UBE2E2: variants seen among roughly 807,000 people sequenced by gnomAD.
The protein encoded by UBE2E2 is ubiquitin conjugating enzyme E2 E2.
A neutral mutation model predicts 24.7 loss-of-function variants in UBE2E2; 6 were observed. The ratio of observed to expected loss-of-function variants is 0.24; its 90% CI spans 0.13 to 0.48. UBE2E2 has a LOEUF of 0.48. Ranked by LOEUF, UBE2E2 falls within the 20% of genes least tolerant of loss-of-function variation. The pLI is 0.99. For missense variants in UBE2E2, 169 were observed against 245.0 expected, an observed-to-expected ratio of 0.69 and a Z score of 2.07; for synonymous variants, 104 against 83.6, an observed-to-expected ratio of 1.24 and a Z score of -1.33.
chr3:23,499,489 A>T, intron 3 of UBE2E2, 119 bp from the exon 4 acceptor site: 1 of 1,245,766 alleles, frequency 8.0e-7, no homozygotes, highest in Admixed American at 2.7e-5. Context: ...CATGAGAGTT[A>T]ACTGATTAAC....
Position 23,587,348 on chromosome 3 carries a change from G to A in UBE2E2, c.509-2386G>A, listed in dbSNP as rs1332395773. On this transcript the variant is annotated intron_variant, in intron 5 of 5. Coordinates refer to ENST00000396703, the MANE Select transcript of UBE2E2 (RefSeq NM_152653.4). ...TGTTTCCCTCCACCCCCTTTGAGCT[G>A]AAGTGGCAGACCTGTCTTATTCCCA... Among the ~76,000 whole-genome samples, 3 of 152,138 alleles carry A rather than the reference G, an allele frequency of 2.0e-5. No homozygotes were observed. The East Asian group carries it at 5.8e-4, about 29-fold the overall frequency.
intron 4 of UBE2E2, among the ~76,000 whole-genome samples, chr3:23,520,824 G>T (rs1225886094): frequency 6.6e-6 from 1 of 152,078 alleles, no homozygotes. Context: ...TTAGTTCTTT[G>T]TAGGGACAGG....
intron 3 of UBE2E2, among the ~76,000 whole-genome samples, chr3:23,454,867 C>T (rs1698641702): frequency 6.6e-6 from 1 of 152,096 alleles, no homozygotes; most frequent in African/African-American, 2.4e-5. Flanking sequence ...AAAATTTGAA[C>T]TTTGCATAGA....
intron 3 of UBE2E2, among the ~76,000 whole-genome samples, chr3:23,346,261 A>G (rs1450919795): frequency 6.6e-6 from 1 of 152,196 alleles, no homozygotes; most frequent in Non-Finnish European, 1.5e-5. Context: ...AGCCATATGA[A>G]AATTTGTCCA....
At chr3:23,203,147 G>T (rs1378508519), upstream of UBE2E2, 3 of 984,978 alleles carry the variant, frequency 3.0e-6, no homozygotes, top group Non-Finnish European at 3.6e-6. Context: ...GGCGGCTCCC[G>T]GAGGTGGTGG....
chr3:23,266,351 A>C (rs534833096), intron 3 of UBE2E2, among the ~76,000 whole-genome samples: 2 of 152,282 alleles, frequency 1.3e-5, no homozygotes, highest in African/African-American at 2.4e-5. Context: ...GGTGGTGACA[A>C]AATCTCTCAG....
intron 5 of UBE2E2, among the ~76,000 whole-genome samples, chr3:23,550,020 G>A (rs1376861813): frequency 2.1e-5 from 3 of 145,140 alleles, no homozygotes; most frequent in East Asian, 2.0e-4. Flanking sequence ...GTAACAGAGA[G>A]AGACTCCATC....
intron 3 of UBE2E2, among the ~76,000 whole-genome samples, chr3:23,323,087 T>G (rs1052266116): frequency 2.6e-5 from 4 of 152,084 alleles, no homozygotes; most frequent in Non-Finnish European, 4.4e-5. Context: ...TATCTAGATT[T>G]ATTAGGCTTA....
intron 3 of UBE2E2, among the ~76,000 whole-genome samples, chr3:23,472,069 A>G (rs1391942505): frequency 2.0e-5 from 3 of 152,230 alleles, no homozygotes; most frequent in Non-Finnish European, 2.9e-5. Context: ...ACTATGAACT[A>G]TTACTTCAAA....
At chr3:23,488,057 A>G (rs1422607012) in intron 3 of UBE2E2, among the ~76,000 whole-genome samples, 1 of 152,160 alleles carries the variant, frequency 6.6e-6, no homozygotes, top group Non-Finnish European at 1.5e-5. Flanking sequence ...AGACAACTGT[A>G]TGAAGAAATT....
chr3:23,310,017 A>G (rs1448884443), intron 3 of UBE2E2, among the ~76,000 whole-genome samples: 1 of 152,194 alleles, frequency 6.6e-6, no homozygotes, highest in Admixed American at 6.6e-5. Context: ...CAGTTCTGTC[A>G]CATTCTTTTT....
intron 3 of UBE2E2, among the ~76,000 whole-genome samples, chr3:23,420,734 T>C (rs953021905): frequency 6.6e-6 from 1 of 152,206 alleles, no homozygotes; most frequent in Non-Finnish European, 1.5e-5. Context: ...TTTTGCAATA[T>C]ATTGTTTAAG....
chr3:23,240,464 C>A (rs1177112086), intron 3 of UBE2E2, among the ~76,000 whole-genome samples: 1 of 152,172 alleles, frequency 6.6e-6, no homozygotes, highest in Non-Finnish European at 1.5e-5. Flanking sequence ...ATACTCAGTT[C>A]TGGTTTTATC....
intron 3 of UBE2E2, among the ~76,000 whole-genome samples, chr3:23,269,759 G>A (rs1330151875): frequency 6.6e-6 from 1 of 152,216 alleles, no homozygotes; most frequent in African/African-American, 2.4e-5. Context: ...TGGGTAGAGT[G>A]CAGGAAGGCC....
chr3:23,309,640 T>C (rs1699322572), intron 3 of UBE2E2, among the ~76,000 whole-genome samples: 1 of 152,104 alleles, frequency 6.6e-6, no homozygotes, highest in African/African-American at 2.4e-5. Flanking sequence ...TGTCAGAGCA[T>C]CATGTGCATC....
chr3:23,358,513 AT>A (rs1462499277), intron 3 of UBE2E2, among the ~76,000 whole-genome samples: 20 of 152,364 alleles, frequency 1.3e-4, no homozygotes, highest in African/African-American at 4.6e-4. Context: ...TGCATCAAAT[AT>A]CAATAAGTAC....
At chr3:23,411,256 A>AG (rs1219877491) in intron 3 of UBE2E2, among the ~76,000 whole-genome samples, 1 of 152,170 alleles carries the variant, frequency 6.6e-6, no homozygotes. Context: ...AGTCAGAAGC[A>AG]GTTTGGCTGA....
At chr3:23,488,200 CTTT>C (rs11352255) in intron 3 of UBE2E2, among the ~76,000 whole-genome samples, 3 of 140,212 alleles carry the variant, frequency 2.1e-5, no homozygotes, top group African/African-American at 2.6e-5. Context: ...GATTACATTT[CTTT>C]TTTTTTTTTT....
At chr3:23,492,096 G>A (rs1398150982) in intron 3 of UBE2E2, among the ~76,000 whole-genome samples, 1 of 152,202 alleles carries the variant, frequency 6.6e-6, no homozygotes, top group Non-Finnish European at 1.5e-5. Flanking sequence ...GAACCCCTAA[G>A]TAGGCAGACA....
Sources: gnomAD v4.1 joint callset for allele counts (sites outside exome capture counted in the v4.1 genomes callset) on GRCh38, gnomAD v4.1.1 for gene constraint, MANE v1.5 for transcripts, NCBI Gene and HGNC (gene_info 2026-07-23, HGNC 2026-07-21) for gene names.